STRN: variants seen among roughly 807,000 people sequenced by gnomAD.
STRN encodes the protein striatin, also known as protein phosphatase 2 regulatory subunit B'''alpha.
STRN carries 53 observed loss-of-function variants against 96.3 expected under a neutral mutation model. The ratio of observed to expected loss-of-function variants is 0.55; its 90% CI spans 0.44 to 0.69. The LOEUF is 0.69. Ranked by LOEUF, STRN falls within the 30% of genes least tolerant of loss-of-function variation. STRN has a pLI of 0.00. For synonymous variants in STRN, 428 were observed against 355.9 expected (o/e 1.20, Z -2.28); for missense variants, 987 against 963.9 (o/e 1.02, Z -0.32).
intron 1 of STRN, among the ~76,000 whole-genome samples, chr2:36,957,322 T>G (rs896700264): frequency 1.3e-5 from 2 of 152,242 alleles, no homozygotes; most frequent in African/African-American, 4.8e-5. Context: ...TGGCAGTGGC[T>G]CACGTCTGTA....
At chr2:36,918,455 T>A (rs2148222080) in intron 2 of STRN, among the ~76,000 whole-genome samples, 1 of 151,936 alleles carries the variant, frequency 6.6e-6, no homozygotes, top group East Asian at 1.9e-4. Flanking sequence ...GAGTTTATAT[T>A]TTTTATATAT....
chr2:36,883,830 G>T (rs567679060), intron 9 of STRN, 102 bp downstream of exon 9: 2 of 1,127,158 alleles, frequency 1.8e-6, no homozygotes, highest in East Asian at 3.0e-5. Context: ...TCAAACATCT[G>T]CAGAATAAAG....
chr2:36,856,676 G>C (rs1668348824), intron 14 of STRN, among the ~76,000 whole-genome samples: 1 of 152,148 alleles, frequency 6.6e-6, no homozygotes, highest in Non-Finnish European at 1.5e-5. Context: ...GAACTTTGGG[G>C]AGATAAAGGA....
At chr2:36,894,730 T>C (rs181854024) in intron 6 of STRN, among the ~76,000 whole-genome samples, 1 of 152,174 alleles carries the variant, frequency 6.6e-6, no homozygotes, top group Non-Finnish European at 1.5e-5. Context: ...CATGATAGGA[T>C]CAAATGTTAT....
intron 1 of STRN, among the ~76,000 whole-genome samples, chr2:36,947,682 G>A (rs983270644): frequency 6.6e-5 from 10 of 151,364 alleles, no homozygotes; most frequent in African/African-American, 2.4e-4. Context: ...GTGGGAGTTG[G>A]GAAATTCCTA....
chr2:36,884,139 C>A (rs577860852), intron 8 of STRN, 64 bp from the exon 9 acceptor site: 2 of 1,266,204 alleles, frequency 1.6e-6, no homozygotes, highest in South Asian at 7.0e-5. Context: ...CCAATTGCAT[C>A]AAAATGGTAT....
chr2:36,868,375 C>T lies in STRN; in HGVS notation c.1500-514G>A, dbSNP rs528452240. On this transcript the variant is annotated intron_variant, in intron 11 of 17. Transcript: ENST00000263918. ...AGCAAATGGTACTTTTATTTCCTTG[C>T]CTTTCCAATAAGGATAATATGTCTA... 3.9e-5 allele frequency among the ~76,000 whole-genome samples: 6 copies of T among 152,212 alleles called. No homozygotes were observed. The South Asian group carries it at 6.2e-4, about 16-fold the overall frequency.
intron 2 of STRN, among the ~76,000 whole-genome samples, chr2:36,924,771 T>C (rs1440557284): frequency 6.6e-6 from 1 of 152,150 alleles, no homozygotes; most frequent in African/African-American, 2.4e-5. Context: ...GAGACCACCA[T>C]TTTGGCCAGG....
chr2:36,874,263 C>CA (rs773719537), intron 10 of STRN, among the ~76,000 whole-genome samples: 8,547 of 116,742 alleles, frequency 0.073, 274 homozygotes, highest in Middle Eastern at 0.099. Context: ...AACTCTGTCT[C>CA]AAAAAAAAAA....
intron 5 of STRN, among the ~76,000 whole-genome samples, chr2:36,901,313 G>C (rs952082708): frequency 1.3e-5 from 2 of 152,246 alleles, no homozygotes; most frequent in East Asian, 3.9e-4. Context: ...AGTACTTCAG[G>C]AGGCCAAGGC....
chr2:36,860,141 C>T (rs943226275), intron 13 of STRN, among the ~76,000 whole-genome samples: 11 of 152,088 alleles, frequency 7.2e-5, no homozygotes, highest in Non-Finnish European at 1.3e-4. Flanking sequence ...GAGGGTAAGG[C>T]TTAATTAAGA....
chr2:36,963,940 G>C (rs1303210627), intron 1 of STRN, among the ~76,000 whole-genome samples: 1 of 151,676 alleles, frequency 6.6e-6, no homozygotes, highest in African/African-American at 2.4e-5. Flanking sequence ...AGTGAGCTAA[G>C]ACTGCACCAC....
chr2:36,889,635 A>C (rs1669334785), intron 7 of STRN, among the ~76,000 whole-genome samples: 1 of 95,174 alleles, frequency 1.1e-5, no homozygotes, highest in East Asian at 3.3e-4. Context: ...GGTGGGGGGG[A>C]GTAGAGTAGA....
chr2:36,851,677 T>C (rs961425918), intron 15 of STRN, among the ~76,000 whole-genome samples: 1 of 152,234 alleles, frequency 6.6e-6, no homozygotes, highest in Non-Finnish European at 1.5e-5. Context: ...CTAGAGCCAC[T>C]AACGCTGTTC....
chr2:36,920,431 G>C (rs1670222579), intron 2 of STRN, among the ~76,000 whole-genome samples: 1 of 151,930 alleles, frequency 6.6e-6, no homozygotes, highest in African/African-American at 2.4e-5. Flanking sequence ...CTGAGGTTGG[G>C]AGTTCGAAAC....
At chr2:36,879,955 C>T (rs1669024145) in intron 9 of STRN, among the ~76,000 whole-genome samples, 1 of 151,516 alleles carries the variant, frequency 6.6e-6, no homozygotes, top group South Asian at 2.1e-4. Context: ...CAGGGCAAGA[C>T]CCCTATATCT....
rs2148111364 is a variant in STRN, at chr2:36,842,017, A to T, written c.*7439T>A. On this transcript the variant is annotated 3_prime_UTR_variant, in exon 18 of 18. Coordinates refer to ENST00000263918, the MANE Select transcript of STRN (RefSeq NM_003162.4). ...GCCCCCAAAATAAACTGTTTCTGAT[A>T]AAATTACTTTTGCTCTAAGTTAATT... is the stretch of plus-strand genomic sequence containing the variant. The T allele has an allele frequency of 6.6e-6, 1 of 152,364 alleles. No individual in the cohort carries two copies. The highest frequency in any genetic ancestry group is 2.4e-5 in the African/African-American group (1 of 41,584). 9.4% of individuals were successfully genotyped at this position (152,364 alleles called of 1,614,324 possible). A position where few individuals can be genotyped will look rare whatever the true frequency, so the allele number is the denominator to read the frequency against.
intron 9 of STRN, among the ~76,000 whole-genome samples, chr2:36,878,934 G>C (rs1668993370): frequency 6.6e-6 from 1 of 151,568 alleles, no homozygotes; most frequent in African/African-American, 2.4e-5. Flanking sequence ...TGTATTTTTA[G>C]TAGAGACGGG....
chr2:36,919,309 C>G (rs1167698385), intron 2 of STRN, among the ~76,000 whole-genome samples: 1 of 152,118 alleles, frequency 6.6e-6, no homozygotes, highest in Non-Finnish European at 1.5e-5. Flanking sequence ...TACAAGAATG[C>G]AGATAAGGGA....
Sources: allele counts gnomAD v4.1 joint callset (sites outside exome capture counted in the v4.1 genomes callset), GRCh38; gene constraint gnomAD v4.1.1; transcripts MANE v1.5; gene names NCBI Gene and HGNC (gene_info 2026-07-23, HGNC 2026-07-21).